GAL3ST1: variants seen among roughly 807,000 people sequenced by gnomAD.
GAL3ST1 encodes the protein galactosylceramide sulfotransferase.
A neutral mutation model predicts 25.0 loss-of-function variants in GAL3ST1; 13 were observed. That is an observed-to-expected ratio of 0.52 (90% CI 0.34 to 0.83). The LOEUF is 0.83. Among genes scored for constraint, GAL3ST1 ranks in the 40% least tolerant of loss-of-function variants. The pLI, the probability that GAL3ST1 is intolerant of heterozygous loss-of-function variation, is 0.02. For missense variants in GAL3ST1, 474 were observed against 613.6 expected (o/e 0.77, Z 2.40); for synonymous variants, 274 against 277.8 (o/e 0.99, Z 0.14).
intron 1 of GAL3ST1, among the ~76,000 whole-genome samples, chr22:30,562,557 T>C (rs1239730569): frequency 6.6e-6 from 1 of 152,106 alleles, no homozygotes; most frequent in East Asian, 1.9e-4. Flanking sequence ...CCAGCCTTGG[T>C]TCACCGGCGT....
intron 1 of GAL3ST1, among the ~76,000 whole-genome samples, chr22:30,571,014 A>ACACACT (rs756336513): frequency 4.8e-5 from 7 of 146,068 alleles, no homozygotes; most frequent in African/African-American, 1.8e-4. Flanking sequence ...ACACACACAC[A>ACACACT]CTCTTTACAA....
At chr22:30,557,010 C>T (rs2086073949) in intron 3 of GAL3ST1, among the ~76,000 whole-genome samples, 1 of 152,248 alleles carries the variant, frequency 6.6e-6, no homozygotes, top group Admixed American at 6.5e-5. Flanking sequence ...GCTAGGATTA[C>T]AGGCGTGAGT....
intron 1 of GAL3ST1, among the ~76,000 whole-genome samples, chr22:30,570,867 G>A (rs1329127585): frequency 2.6e-5 from 4 of 151,838 alleles, no homozygotes; most frequent in Non-Finnish European, 5.9e-5. Flanking sequence ...GAGAAAAGTT[G>A]TACATTCGTA....
intron 1 of GAL3ST1, among the ~76,000 whole-genome samples, chr22:30,564,225 C>T (rs1165096647): frequency 4.6e-5 from 7 of 152,198 alleles, no homozygotes; most frequent in Admixed American, 3.9e-4. Flanking sequence ...GGCCTGCCAT[C>T]ATTGTTATCA....
At chr22:30,562,716 G>A (rs192405860) in intron 1 of GAL3ST1, among the ~76,000 whole-genome samples, 8 of 152,336 alleles carry the variant, frequency 5.3e-5, no homozygotes, top group Admixed American at 2.6e-4. Context: ...TATAGAGCCC[G>A]TGCAGAGAAT....
At position 30,556,091 on chromosome 22, in the gene GAL3ST1, G is replaced by A. The variant is rs1162984420; in HGVS notation, c.134C>T (p.Thr45Ile). The A allele has an allele frequency of 6.2e-7, 1 of 1,600,926 alleles. No individual in the cohort carries two copies. The highest frequency in any genetic ancestry group is 1.3e-5 in the African/African-American group (1 of 74,998). Reference protein sequence around the residue: ...PPLHAGLASTTPEAAASCSPP... With the variant: ...PPLHAGLASTIPEAAASCSPP... Reference sequence around the variant, plus strand: ...AGAGCAGGACGCTGCGGCCTCCGGGGTCCTGCTGGGGACAGAGAGGTGGGG... The same window carrying A: ...AGAGCAGGACGCTGCGGCCTCCGGGATCCTGCTGGGGACAGAGAGGTGGGG... Residue 45 changes from threonine (T) to isoleucine (I), a missense_variant and splice_region_variant, in exon 4 of 4, where the codon ACC becomes ATC. Thr to Ile is a moderately conservative substitution (Grantham distance 89, BLOSUM62 -1). Transcript: ENST00000406361.
At chr22:30,558,778 T>C (rs1489838856) in intron 1 of GAL3ST1, among the ~76,000 whole-genome samples, 1 of 152,258 alleles carries the variant, frequency 6.6e-6, no homozygotes, top group Non-Finnish European at 1.5e-5. Context: ...GTTGCTCAGT[T>C]AAATTCAAAT....
At chr22:30,563,757 CAA>C (rs35696153) in intron 1 of GAL3ST1, among the ~76,000 whole-genome samples, 1 of 149,738 alleles carries the variant, frequency 6.7e-6, no homozygotes, top group Non-Finnish European at 1.5e-5. Flanking sequence ...ACTAAAAATA[CAA>C]AAAAAAATTA....
In GAL3ST1 at chr22:30,554,914, G is replaced by A. The variant is rs1416867373; in HGVS notation, c.*39C>T. ...CGGCGTCCTGCTCAGCCCCTCTGCA[G>A]GGAGCGAGCAGGCAGGCAAGCCGCT... is the stretch of plus-strand genomic sequence containing the variant. On this transcript the variant is annotated 3_prime_UTR_variant, in exon 4 of 4. Coordinates refer to ENST00000406361, the MANE Select transcript of GAL3ST1 (RefSeq NM_001318104.2). 1 of 1,481,794 alleles carries A rather than the reference G, an allele frequency of 6.7e-7. No individual in the cohort carries two copies. Among genetic ancestry groups the A allele is most frequent in the Non-Finnish European group, 9.1e-7 (1 of 1,097,344 alleles). The allele number at this position is 1,481,794 out of a possible 1,614,324, so 91.8% of individuals were successfully genotyped here.
In GAL3ST1 at chr22:30,555,131, C is replaced by T; in HGVS notation, c.1094G>A (p.Trp365Ter). 6.2e-7 allele frequency: 1 copy of T among 1,611,054 alleles called. No homozygotes were observed. Among genetic ancestry groups the T allele is most frequent in the Non-Finnish European group, 8.5e-7 (1 of 1,179,472 alleles). ...GATGGACTTGGTGCCCAGCGGCTGCCAGGGCTGCATGGCCTCGTCCTGGAT... is the reference window on the plus strand; with the variant it reads ...GATGGACTTGGTGCCCAGCGGCTGCTAGGGCTGCATGGCCTCGTCCTGGAT... ...AAIQDEAMQPWQPLGTKSILG... is the reference protein window; with the variant it reads ...AAIQDEAMQP The change falls in exon 4 of 4, where the codon TGG becomes TAG. Residue 365 changes from tryptophan to a stop codon, truncating the protein, a stop_gained. Coordinates refer to ENST00000406361, the MANE Select transcript of GAL3ST1 (RefSeq NM_001318104.2). LOFTEE classifies it high-confidence loss of function. This position sits in a 1 kb window ranked among gnomAD's most constrained non-coding sequence, Gnocchi z 8.6.
At chr22:30,561,007 T>C (rs12627772) in intron 1 of GAL3ST1, among the ~76,000 whole-genome samples, 15,723 of 151,750 alleles carry the variant, frequency 0.1, 1,503 homozygotes, top group African/African-American at 0.24. Flanking sequence ...TGCAGTGGTG[T>C]GATCTCGGCT....
In GAL3ST1 at chr22:30,555,769, C is replaced by T; in HGVS notation, c.456G>A (p.Leu152=). The T allele has an allele frequency of 6.2e-7, 1 of 1,614,136 alleles. No homozygotes were observed. Among genetic ancestry groups the T allele is most frequent in the South Asian group, 1.1e-5 (1 of 91,076 alleles). The change falls in exon 4 of 4, where the codon CTG becomes CTA. Residue 152 remains leucine, a synonymous_variant. Coordinates refer to ENST00000406361, the MANE Select transcript of GAL3ST1 (RefSeq NM_001318104.2). The surrounding 1 kb of genome is among the most constrained non-coding windows in gnomAD (Gnocchi z 8.6). ...TGATGAAGATGGCGTTGGTCGGCACCAGGCCGCGCACCTCGTCGTAGTGGA... is the reference window on the plus strand; with the variant it reads ...TGATGAAGATGGCGTTGGTCGGCACTAGGCCGCGCACCTCGTCGTAGTGGA... ...MRFHYDEVRG[L]VPTNAIFITV... is the part of the protein sequence containing the mutation.
At chr22:30,559,836 A>C (rs2086279370) in intron 1 of GAL3ST1, among the ~76,000 whole-genome samples, 1 of 152,174 alleles carries the variant, frequency 6.6e-6, no homozygotes, top group South Asian at 2.1e-4. Flanking sequence ...TTAGCTGCAA[A>C]ACCAGGTCCC....
intron 2 of GAL3ST1, 112 bp from the exon 3 acceptor site, chr22:30,557,513 C>G: frequency 1.7e-6 from 2 of 1,150,912 alleles, no homozygotes; most frequent in Non-Finnish European, 1.2e-6. Context: ...TGTGGCCCCC[C>G]AGCAGGGTCC....
intron 1 of GAL3ST1, among the ~76,000 whole-genome samples, chr22:30,570,677 T>G (rs1340876657): frequency 6.6e-6 from 1 of 151,784 alleles, no homozygotes; most frequent in Non-Finnish European, 1.5e-5. Flanking sequence ...ATGCCTTTAA[T>G]CCTAAGGCTG....
intron 3 of GAL3ST1, among the ~76,000 whole-genome samples, chr22:30,556,356 T>C (rs753463179): frequency 2.0e-5 from 3 of 152,194 alleles, no homozygotes; most frequent in Non-Finnish European, 2.9e-5. Flanking sequence ...CTCTCATTCA[T>C]GGCCACTGTG....
rs563625096 is a variant in GAL3ST1 at position 30,564,824 on chromosome 22, C to T, written c.-119-6436G>A. ...TGGTGGAGCAAAAGAGACACACTCA[C>T]CTCGGGCTGTGGCTGGCTGCCCCTT... On this transcript the variant is annotated intron_variant, in intron 1 of 3. Transcript: ENST00000406361. 2.0e-5 allele frequency: 3 copies of T among 152,448 alleles called. No individual in the cohort carries two copies. In the South Asian group the frequency reaches 6.2e-4, roughly 32 times the overall value. The allele number at this position is 152,448 out of a possible 1,614,324, so 9.4% of individuals were successfully genotyped here.
At chr22:30,569,770 T>C (rs42938) in intron 1 of GAL3ST1, among the ~76,000 whole-genome samples, 61,937 of 151,938 alleles carry the variant, frequency 0.41, 12,850 homozygotes, top group African/African-American at 0.47. Context: ...GTATCAGAGT[T>C]TGCAGCACCG....
chr22:30,569,007 CAG>C (rs1380995962), intron 1 of GAL3ST1, among the ~76,000 whole-genome samples: 2 of 145,442 alleles, frequency 1.4e-5, no homozygotes, highest in East Asian at 2.1e-4. Flanking sequence ...ACCTGGGAGG[CAG>C]AGTTTGCAGT....
Sources: allele counts gnomAD v4.1 joint callset (sites outside exome capture counted in the v4.1 genomes callset), GRCh38; gene constraint gnomAD v4.1.1; non-coding constraint Gnocchi (gnomAD v3.1); transcripts MANE v1.5; gene names NCBI Gene and HGNC (gene_info 2026-07-23, HGNC 2026-07-21).